Variants in AFAP1L1 observed in about 807,000 individuals in gnomAD.
The protein encoded by AFAP1L1 is actin filament-associated protein 1-like 1.
AFAP1L1 carries 77 observed loss-of-function variants against 99.8 expected under a neutral mutation model. That is an observed-to-expected ratio of 0.77 (90% confidence interval 0.64 to 0.93). The LOEUF is 0.93. AFAP1L1 is among the 40% of genes least tolerant of loss of function. The probability of loss-of-function intolerance (pLI) is 0.00; values close to 1 mark genes in which losing one functional copy is unlikely to be tolerated. For synonymous variants in AFAP1L1, 373 were observed against 395.3 expected, an observed-to-expected ratio of 0.94 and a Z score of 0.67; for missense variants, 893 against 996.8, an observed-to-expected ratio of 0.90 and a Z score of 1.40.
intron 17 of AFAP1L1, among the ~76,000 whole-genome samples, chr5:149,333,129 G>A (rs1486797378): frequency 6.6e-6 from 1 of 152,208 alleles, no homozygotes; most frequent in African/African-American, 2.4e-5. Flanking sequence ...CCCTAAAGGT[G>A]ATCTTAGAAA....
At chr5:149,282,201 G>A (rs1333971728) in intron 1 of AFAP1L1, among the ~76,000 whole-genome samples, 3 of 152,190 alleles carry the variant, frequency 2.0e-5, no homozygotes, top group Admixed American at 6.5e-5. Flanking sequence ...CCACATTGCA[G>A]TCATACCAGT....
chr5:149,330,132 A>G (rs1757215002), intron 16 of AFAP1L1, among the ~76,000 whole-genome samples: 1 of 152,248 alleles, frequency 6.6e-6, no homozygotes, highest in African/African-American at 2.4e-5. Flanking sequence ...TGAAGCACAG[A>G]AGTGTGCCTT....
chr5:149,317,690 G>A (rs1561678761), intron 11 of AFAP1L1, 39 bp from the exon 12 acceptor site: 1 of 1,605,874 alleles, frequency 6.2e-7, no homozygotes, highest in Non-Finnish European at 8.5e-7. Flanking sequence ...TGCTGTCCCA[G>A]GGCAGGCTAT....
chr5:149,326,690 A>G (rs2127602077), intron 15 of AFAP1L1, among the ~76,000 whole-genome samples: 1 of 152,312 alleles, frequency 6.6e-6, no homozygotes, highest in South Asian at 2.1e-4. Flanking sequence ...TAATTGGATC[A>G]GGCTGTGGAG....
chr5:149,278,646 T>A (rs1755418301), intron 1 of AFAP1L1, among the ~76,000 whole-genome samples: 1 of 152,198 alleles, frequency 6.6e-6, no homozygotes. Context: ...ACCAAGTTGT[T>A]TCCTCAGTCT....
At chr5:149,317,200 A>G in intron 11 of AFAP1L1, among the ~76,000 whole-genome samples, 1 of 152,232 alleles carries the variant, frequency 6.6e-6, no homozygotes, top group Non-Finnish European at 1.5e-5. Flanking sequence ...ATGGCTACAA[A>G]GAAATATTTT....
intron 18 of AFAP1L1, among the ~76,000 whole-genome samples, chr5:149,336,653 G>C (rs560277000): frequency 3.3e-5 from 5 of 152,296 alleles, no homozygotes; most frequent in African/African-American, 1.2e-4. Flanking sequence ...TGTTAGCTCA[G>C]GTCTCTCTTC....
At position 149,322,639 on chromosome 5, in the gene AFAP1L1, G is replaced by C. The variant is rs975374389; in HGVS notation, c.1732G>C (p.Val578Leu). 9.4e-6 allele frequency: 15 copies of C among 1,589,860 alleles called. No individual in the cohort carries two copies. The highest frequency in any genetic ancestry group is 7.0e-5 in the Admixed American group (4 of 57,020). Residue 578 changes from valine to leucine, a missense_variant, in exon 15 of 19, where the codon GTG (valine) becomes CTG (leucine). By Grantham distance (32) the Val-to-Leu change is conservative. Coordinates refer to ENST00000296721, the MANE Select transcript of AFAP1L1 (RefSeq NM_152406.4). Reference protein sequence around the residue: ...EEPERPTGAQVKRHASSCSEK... With the variant: ...EEPERPTGAQLKRHASSCSEK... ...GCCCGAGCGCCCCACAGGGGCCCAG[G>C]TGAAGCGTCACGCCTCCTCCTGCAG... is the stretch of plus-strand genomic sequence containing the variant.
intron 11 of AFAP1L1, 101 bp downstream of exon 11, chr5:149,316,404 G>C (rs929462103): frequency 2.1e-5 from 29 of 1,409,144 alleles, no homozygotes; most frequent in Non-Finnish European, 1.9e-6. Context: ...CTCACCCCCA[G>C]GGCAGGGGAG....
chr5:149,312,309 C>A, intron 9 of AFAP1L1, 105 bp downstream of exon 9: 3 of 1,096,548 alleles, frequency 2.7e-6, no homozygotes, highest in Non-Finnish European at 4.2e-6. Flanking sequence ...AGGCAACTGC[C>A]AAACTGTAGG....
chr5:149,298,155 C>T (rs966875461), intron 1 of AFAP1L1, among the ~76,000 whole-genome samples: 1 of 152,162 alleles, frequency 6.6e-6, no homozygotes, highest in Non-Finnish European at 1.5e-5. Flanking sequence ...CCTGCAGCTC[C>T]GGGTCAGTGT....
At chr5:149,331,304 T>A (rs1757250567) in intron 16 of AFAP1L1, among the ~76,000 whole-genome samples, 1 of 152,140 alleles carries the variant, frequency 6.6e-6, no homozygotes, top group Non-Finnish European at 1.5e-5. Flanking sequence ...TTTTTAAAAA[T>A]TTTTAAAGAA....
intron 1 of AFAP1L1, among the ~76,000 whole-genome samples, chr5:149,276,991 C>T (rs1755350920): frequency 1.3e-5 from 2 of 152,216 alleles, no homozygotes; most frequent in South Asian, 4.1e-4. Context: ...CTGACTGTGG[C>T]TATGTCATCA....
intron 1 of AFAP1L1, among the ~76,000 whole-genome samples, chr5:149,292,418 T>C (rs1373976380): frequency 2.0e-5 from 3 of 152,180 alleles, no homozygotes; most frequent in Non-Finnish European, 2.9e-5. Flanking sequence ...TAACATCTTA[T>C]TTTGATTTCA....
At chr5:149,300,445 T>A in intron 3 of AFAP1L1, 91 bp downstream of exon 3, 5 of 1,125,806 alleles carry the variant, frequency 4.4e-6, no homozygotes, top group Non-Finnish European at 6.5e-6. Context: ...GGCTTGGCTC[T>A]AACATCGCAT....
At chr5:149,280,748 CCT>C (rs1203160258) in intron 1 of AFAP1L1, among the ~76,000 whole-genome samples, 1 of 152,012 alleles carries the variant, frequency 6.6e-6, no homozygotes, top group Non-Finnish European at 1.5e-5. Context: ...CTTCTATCAC[CCT>C]CTCAAAATAT....
intron 6 of AFAP1L1, among the ~76,000 whole-genome samples, chr5:149,307,177 G>A (rs1350462008): frequency 6.6e-6 from 1 of 151,990 alleles, no homozygotes; most frequent in African/African-American, 2.4e-5. Flanking sequence ...AATTCGGGAG[G>A]TAGAGGTTGC....
rs1277453905 is a variant in AFAP1L1, at chr5:149,300,314, C to T, written c.189C>T (p.His63=). The T allele has an allele frequency of 1.9e-6, 3 of 1,613,552 alleles. No homozygotes were observed. In the African/African-American group the frequency reaches 4.0e-5, roughly 22 times the overall value. The part of the protein sequence containing the change: ...SYLYVNTADL[H]SGPSFVESLF... Reference sequence around the variant, plus strand: ...TGTATGTGAACACAGCAGACCTCCACTCGGGGCCCAGCTTCGTGGAATCCC... The same window carrying T: ...TGTATGTGAACACAGCAGACCTCCATTCGGGGCCCAGCTTCGTGGAATCCC... The change falls in exon 3 of 19, where the codon CAC becomes CAT. Residue 63 remains histidine, a synonymous_variant. Transcript: ENST00000296721.
rs1267440413 is a variant in AFAP1L1, at chr5:149,291,796, A to T, written c.17-7713A>T. On this transcript the variant is annotated intron_variant, in intron 1 of 18. Transcript: ENST00000296721. ...AGTAAGGCACTGGTTCTTTCTCCAG[A>T]ACAGGAGCCTTTATGAGATGGAAAT... Among the ~76,000 whole-genome samples, 6 of 152,312 alleles carry T rather than the reference A, an allele frequency of 3.9e-5. No homozygotes were observed. The East Asian group carries it at 1.2e-3, about 29-fold the overall frequency.
Sources: gnomAD v4.1 joint callset for allele counts (sites outside exome capture counted in the v4.1 genomes callset) on GRCh38, gnomAD v4.1.1 for gene constraint, MANE v1.5 for transcripts, NCBI Gene and HGNC (gene_info 2026-07-23, HGNC 2026-07-21) for gene names.